The following ATXN3 variants were observed in gnomAD, a reference collection of about 807,000 sequenced individuals.
The protein encoded by ATXN3 is ataxin 3.
Under a neutral mutation model 58.2 loss-of-function variants are expected in ATXN3, and 28 were observed. The ratio of observed to expected loss-of-function variants is 0.48; its 90% CI spans 0.36 to 0.66. The LOEUF (loss-of-function observed/expected upper bound fraction) is 0.66. ATXN3 is among the 30% of genes least tolerant of loss of function. The pLI is 0.00. For missense variants in ATXN3, 321 were observed against 422.1 expected (o/e 0.76, Z 2.10); for synonymous variants, 113 against 138.5 (o/e 0.82, Z 1.29).
In ATXN3 at chr14:92,062,798, T is replaced by TA. The variant is rs2057865668; in HGVS notation, c.*1521dup. On this transcript the variant is annotated 3_prime_UTR_variant, in exon 11 of 11. Transcript: ENST00000644486. ...ATTTTTTCTTCTCTTTTCAGTTAGT[T>TA]AGCAATAAATCCTAGATCAAAAAAC... is the stretch of plus-strand genomic sequence containing the variant. The TA allele has an allele frequency of 6.5e-6, 1 of 152,750 alleles. No individual in the cohort carries two copies. The highest frequency in any genetic ancestry group is 1.5e-5 in the Non-Finnish European group (1 of 68,018). 9.5% of individuals were successfully genotyped at this position (152,750 alleles called of 1,614,324 possible). A position where few individuals can be genotyped will look rare whatever the true frequency, so the allele number is the denominator to read the frequency against.
chr14:92,104,784 G>A (rs1352898226), intron 1 of ATXN3, among the ~76,000 whole-genome samples: 8 of 152,016 alleles, frequency 5.3e-5, no homozygotes, highest in South Asian at 2.1e-4. Context: ...TTAGCTGGGC[G>A]TGGTGGCGGG....
intron 1 of ATXN3, among the ~76,000 whole-genome samples, chr14:92,049,050 T>G (rs1307319230): frequency 6.6e-6 from 1 of 152,200 alleles, no homozygotes; most frequent in East Asian, 1.9e-4. Flanking sequence ...TCCAAAGTGC[T>G]ATTCTCTGGC....
At chr14:92,058,131 A>T (rs56728821), downstream of ATXN3, among the ~76,000 whole-genome samples, 1 of 152,226 alleles carries the variant, frequency 6.6e-6, no homozygotes, top group Non-Finnish European at 1.5e-5. Context: ...CTGGAATAGA[A>T]TATCAATGGA....
intron 10 of ATXN3, among the ~76,000 whole-genome samples, chr14:92,070,571 T>G (rs1265742045): frequency 6.6e-6 from 1 of 152,054 alleles, no homozygotes; most frequent in African/African-American, 2.4e-5. Flanking sequence ...AGAGCAAGAC[T>G]CCATCTCAAA....
At chr14:92,096,639 A>G (rs779384674) in intron 2 of ATXN3, 35 bp downstream of exon 2, 85 of 1,572,532 alleles carry the variant, frequency 5.4e-5, no homozygotes, top group Non-Finnish European at 7.1e-5. Flanking sequence ...AAAAAAAAAA[A>G]AAGAAATGTG....
chr14:92,079,185 CAAAA>C (rs35515547), intron 9 of ATXN3, among the ~76,000 whole-genome samples: 2 of 77,056 alleles, frequency 2.6e-5, no homozygotes, highest in African/African-American at 4.8e-5. Flanking sequence ...GACTCCATCT[CAAAA>C]AAAAAAAAAA....
At chr14:92,052,233 G>A (rs909642878), upstream of ATXN3, among the ~76,000 whole-genome samples, 2 of 152,004 alleles carry the variant, frequency 1.3e-5, no homozygotes, top group South Asian at 2.1e-4. Context: ...GGTGGTTCAC[G>A]CCTGTAATCC....
chr14:92,072,941 T>TGTGTGTAGGTGTA (rs1243136550), intron 9 of ATXN3, among the ~76,000 whole-genome samples: 1 of 152,220 alleles, frequency 6.6e-6, no homozygotes, highest in Non-Finnish European at 1.5e-5. Flanking sequence ...TGAGCCAGAA[T>TGTGTGTAGGTGTA]ACTGACCTGT....
Position 92,069,371 on chromosome 14 carries a change from CTTTTTTTTTTT to C in ATXN3, c.991+1553_991+1563del, listed in dbSNP as rs34755730. 4.8e-4 allele frequency among the ~76,000 whole-genome samples: 44 copies of C among 92,578 alleles called. 1 individual carries two copies. The highest frequency in any genetic ancestry group is 0.019 in the Middle Eastern group (2 of 108). 60.7% of individuals were successfully genotyped at this position (92,578 alleles called of 152,430 possible). A position where few individuals can be genotyped will look rare whatever the true frequency, so the allele number is the denominator to read the frequency against. ...CAGGCGTAAGCCACCGTGTCCAGCC[CTTTTTTTTTTT>C]TTTTTTTTTGAGACAGAGTTTTGCT... On this transcript the variant is annotated intron_variant, in intron 10 of 10. Transcript: ENST00000644486.
At chr14:92,103,771 C>A (rs1277046828) in intron 1 of ATXN3, among the ~76,000 whole-genome samples, 3 of 152,156 alleles carry the variant, frequency 2.0e-5, no homozygotes, top group Admixed American at 1.3e-4. Context: ...AAGAGGAAAC[C>A]AAGGTTCCAA....
At chr14:92,096,889 T>C (rs770475357) in intron 1 of ATXN3, 51 bp from the exon 2 acceptor site, 1 of 1,501,122 alleles carries the variant, frequency 6.7e-7, no homozygotes, top group Non-Finnish European at 9.2e-7. Flanking sequence ...AACAGAATTG[T>C]ATAGTATCTT....
chr14:92,080,740 T>G (rs1310935578), intron 9 of ATXN3: 19 of 498,928 alleles, frequency 3.8e-5, no homozygotes, highest in Non-Finnish European at 7.0e-5. Context: ...TTCACTGTGT[T>G]GCCCAGGCTG....
At chr14:92,098,231 G>A (rs532771040) in intron 1 of ATXN3, among the ~76,000 whole-genome samples, 2 of 152,182 alleles carry the variant, frequency 1.3e-5, no homozygotes, top group South Asian at 4.2e-4. Context: ...TCAGCCTCCC[G>A]AGCAGCTAGA....
intron 1 of ATXN3, among the ~76,000 whole-genome samples, chr14:92,105,335 G>C (rs2068024727): frequency 6.6e-6 from 1 of 151,966 alleles, no homozygotes; most frequent in Admixed American, 6.6e-5. Context: ...AGGATCGCTT[G>C]TGCCTAGGAG....
At chr14:92,054,605 C>T (rs907778883), downstream of ATXN3, among the ~76,000 whole-genome samples, 3 of 152,186 alleles carry the variant, frequency 2.0e-5, no homozygotes, top group Admixed American at 2.0e-4. Flanking sequence ...AACCAGCAGC[C>T]CTCAGGGCTG....
In ATXN3 at chr14:92,048,652, G is replaced by A. The variant is rs1595425166; in HGVS notation, n.185-665C>T. 3.9e-5 allele frequency among the ~76,000 whole-genome samples: 6 copies of A among 152,292 alleles called. No homozygotes were observed. The South Asian group carries it at 1.0e-3, about 26-fold the overall frequency. On this transcript the variant is annotated intron_variant and non_coding_transcript_variant, in intron 1 of 2. Coordinates refer to the ATXN3 transcript ENST00000564606. Reference sequence around the variant, plus strand: ...TCAGCTCCAGCCACCTCTTTAAGAAGAAATTGTTGGGCAGGTAGGGGAGGG... The same window carrying A: ...TCAGCTCCAGCCACCTCTTTAAGAAAAAATTGTTGGGCAGGTAGGGGAGGG...
chr14:92,097,021 C>A, intron 1 of ATXN3, 183 bp from the exon 2 acceptor site: 2 of 521,754 alleles, frequency 3.8e-6, no homozygotes, highest in Non-Finnish European at 6.9e-6. Context: ...CATTCTCCTG[C>A]CTCAGCCTCC....
At position 92,065,539 on chromosome 14, in the gene ATXN3, G is replaced by T. The variant is rs182827058; in HGVS notation, c.992-1125C>A. Among the ~76,000 whole-genome samples the T allele has an allele frequency of 4.2e-3, 614 of 146,782 alleles. 1 individual carries two copies. The highest frequency in any genetic ancestry group is 6.6e-3 in the Non-Finnish European group (444 of 66,842). On this transcript the variant is annotated intron_variant, in intron 10 of 10. Coordinates refer to ENST00000644486, the MANE Select transcript of ATXN3 (RefSeq NM_004993.6). ...GCTTGAGCCCAGGAGTTCAAGACCA[G>T]CCTGGGCAATTGCGTCAGTGGAACA... is the stretch of plus-strand genomic sequence containing the variant.
intron 9 of ATXN3, among the ~76,000 whole-genome samples, chr14:92,076,939 CAAA>C (rs1157708694): frequency 1.0e-4 from 6 of 59,828 alleles, no homozygotes; most frequent in Non-Finnish European, 1.9e-4. Flanking sequence ...GATTTCGTCT[CAAA>C]AAAAAAAAAA....
Sources: allele counts gnomAD v4.1 joint callset (sites outside exome capture counted in the v4.1 genomes callset), GRCh38; gene constraint gnomAD v4.1.1; transcripts MANE v1.5; gene names NCBI Gene and HGNC (gene_info 2026-07-23, HGNC 2026-07-21).